The following MAP3K7 variants were observed in gnomAD, a reference collection of about 807,000 sequenced individuals.
MAP3K7 encodes mitogen-activated protein kinase kinase kinase 7, also known as TGF-beta activated kinase 1.
Under a neutral mutation model 84.8 loss-of-function variants are expected in MAP3K7, and 21 were observed. That is an observed-to-expected ratio of 0.25 (90% CI 0.18 to 0.36). The LOEUF is 0.36. MAP3K7 is among the 10% of genes least tolerant of loss of function. The pLI is 1.00. For synonymous variants in MAP3K7, 241 were observed against 247.7 expected (o/e 0.97, Z 0.25); for missense variants, 503 against 747.7 (o/e 0.67, Z 3.82).
At chr6:90,567,846 A>G (rs910415283) in intron 3 of MAP3K7, among the ~76,000 whole-genome samples, 1 of 152,258 alleles carries the variant, frequency 6.6e-6, no homozygotes, top group Non-Finnish European at 1.5e-5. Context: ...GGATTAAGAA[A>G]TTGTGGCACA....
rs77009159 is a variant in MAP3K7, at chr6:90,542,570, T to G, written c.1291+1982A>C. On this transcript the variant is annotated intron_variant, in intron 12 of 16. Transcript: ENST00000369329. ...AAGAAATTACTCTAGCTTCTCTGAC[T>G]TAAACAAAAGAACAAAAAATGGATG... is the stretch of plus-strand genomic sequence containing the variant. 2.1e-4 allele frequency: 176 copies of G among 835,752 alleles called. No homozygotes were observed. The East Asian group carries it at 0.015, about 69-fold the overall frequency. 51.8% of individuals were successfully genotyped at this position (835,752 alleles called of 1,614,324 possible). A position where few individuals can be genotyped will look rare whatever the true frequency, so the allele number is the denominator to read the frequency against.
chr6:90,571,145 A>G (rs900832316), intron 2 of MAP3K7, among the ~76,000 whole-genome samples: 6 of 152,162 alleles, frequency 3.9e-5, no homozygotes, highest in African/African-American at 1.4e-4. Flanking sequence ...AAATAATGTG[A>G]TCCAAAATAC....
At chr6:90,529,935 T>C (rs534574714) in intron 13 of MAP3K7, among the ~76,000 whole-genome samples, 2 of 152,326 alleles carry the variant, frequency 1.3e-5, no homozygotes, top group Admixed American at 6.5e-5. Context: ...AGATACAAGA[T>C]TGGTGCTTAA....
Position 90,523,800 on chromosome 6 carries a change from C to T in MAP3K7, c.1357-17G>A. On this transcript the variant is annotated splice_polypyrimidine_tract_variant and intron_variant, in intron 13 of 16. Transcript: ENST00000369329. ...ACTGCTCACCTACAGGAAGAAGTCACAGGAGAAACAAAATGTGATTTTTTG... is the reference window on the plus strand; with the variant it reads ...ACTGCTCACCTACAGGAAGAAGTCATAGGAGAAACAAAATGTGATTTTTTG... The T allele has an allele frequency of 7.3e-7, 1 of 1,367,284 alleles. No homozygotes were observed. The highest frequency in any genetic ancestry group is 1.0e-6 in the Non-Finnish European group (1 of 956,942). The allele number at this position is 1,367,284 out of a possible 1,614,324, so 84.7% of individuals were successfully genotyped here. A position where few individuals can be genotyped will look rare whatever the true frequency, so the allele number is the denominator to read the frequency against.
At chr6:90,553,152 C>T (rs369635234) in intron 7 of MAP3K7, among the ~76,000 whole-genome samples, 73 of 151,952 alleles carry the variant, frequency 4.8e-4, no homozygotes, top group African/African-American at 1.5e-3. Context: ...TTCCATGATC[C>T]AGCCTGATGC....
intron 13 of MAP3K7, among the ~76,000 whole-genome samples, chr6:90,527,154 CA>C: frequency 6.6e-6 from 1 of 152,272 alleles, no homozygotes; most frequent in South Asian, 2.1e-4. Context: ...GATTAAAGGA[CA>C]AAACCTCAAC....
At chr6:90,547,459 A>G in intron 10 of MAP3K7, 72 bp from the exon 11 acceptor site, 3 of 1,523,648 alleles carry the variant, frequency 2.0e-6, no homozygotes, top group Middle Eastern at 1.8e-4. Flanking sequence ...ACCTAAAAGG[A>G]GGAAGATGGC....
At chr6:90,583,789 A>G (rs745906367) in intron 1 of MAP3K7, among the ~76,000 whole-genome samples, 1 of 152,188 alleles carries the variant, frequency 6.6e-6, no homozygotes, top group Non-Finnish European at 1.5e-5. Context: ...ACCCTGTGTA[A>G]CACTTCTTGC....
At position 90,542,471 on chromosome 6, in the gene MAP3K7, A is replaced by T. The variant is rs185309851; in HGVS notation, c.1291+2081T>A. 257 of 985,208 alleles carry T rather than the reference A, an allele frequency of 2.6e-4. No homozygotes were observed. In the African/African-American group the frequency reaches 4.2e-3, roughly 16 times the overall value. The allele number at this position is 985,208 out of a possible 1,614,324, so 61.0% of individuals were successfully genotyped here. A position where few individuals can be genotyped will look rare whatever the true frequency, so the allele number is the denominator to read the frequency against. On this transcript the variant is annotated intron_variant, in intron 12 of 16. Coordinates refer to ENST00000369329, the MANE Select transcript of MAP3K7 (RefSeq NM_145331.3). ...AGAATTAAGGTTACCTGATTCCATAAAGGCCCAATGTCATAAAAGAGGATC... is the reference window on the plus strand; with the variant it reads ...AGAATTAAGGTTACCTGATTCCATATAGGCCCAATGTCATAAAAGAGGATC...
Position 90,536,411 on chromosome 6 carries a change from G to T in MAP3K7, c.1292-10C>A, listed in dbSNP as rs1554182636. 1.9e-6 allele frequency: 3 copies of T among 1,605,538 alleles called. No individual in the cohort carries two copies. The highest frequency in any genetic ancestry group is 1.3e-5 in the African/African-American group (1 of 74,244). ...CTTGGCTGTCCGTTGCCTTTAAAAA[G>T]AAGAAAAAAAGTAAAATACTAAAAT... On this transcript the variant is annotated splice_polypyrimidine_tract_variant and intron_variant, in intron 12 of 16. Coordinates refer to ENST00000369329, the MANE Select transcript of MAP3K7 (RefSeq NM_145331.3).
intron 13 of MAP3K7, among the ~76,000 whole-genome samples, chr6:90,524,802 G>A (rs1311181535): frequency 6.6e-6 from 1 of 152,002 alleles, no homozygotes; most frequent in Non-Finnish European, 1.5e-5. Flanking sequence ...AAACAAGATG[G>A]CACTAAAATT....
chr6:90,567,537 T>C (rs892744387), intron 3 of MAP3K7, among the ~76,000 whole-genome samples: 1 of 152,180 alleles, frequency 6.6e-6, no homozygotes, highest in Non-Finnish European at 1.5e-5. Context: ...CCAGTTAGAA[T>C]GGTGACCATT....
At chr6:90,550,037 G>A (rs1327964525) in intron 9 of MAP3K7, among the ~76,000 whole-genome samples, 1 of 152,026 alleles carries the variant, frequency 6.6e-6, no homozygotes, top group East Asian at 1.9e-4. Flanking sequence ...TCACATTTCG[G>A]AAAACTAAGG....
intron 6 of MAP3K7, 34 bp downstream of exon 6, chr6:90,556,466 G>A (rs759210827): frequency 1.3e-4 from 201 of 1,600,578 alleles, no homozygotes; most frequent in Middle Eastern, 1.7e-4. Flanking sequence ...GAGTGAGGGA[G>A]ATTATCAAAC....
intron 1 of MAP3K7, among the ~76,000 whole-genome samples, chr6:90,582,357 T>G (rs985341015): frequency 1.3e-5 from 2 of 152,236 alleles, no homozygotes; most frequent in Non-Finnish European, 2.9e-5. Flanking sequence ...TTTCATGTAC[T>G]CATTGAACAA....
chr6:90,549,739 C>G (rs576112329), intron 9 of MAP3K7, among the ~76,000 whole-genome samples: 30 of 152,184 alleles, frequency 2.0e-4, no homozygotes, highest in Non-Finnish European at 3.7e-4. Context: ...TTCAGAGCAA[C>G]TCAAAATATT....
chr6:90,586,995 A>G lies in MAP3K7; in HGVS notation c.-112T>C. 3.9e-6 allele frequency: 5 copies of G among 1,273,804 alleles called. No homozygotes were observed. Among genetic ancestry groups the G allele is most frequent in the Non-Finnish European group, 5.1e-6 (5 of 977,038 alleles). The allele number at this position is 1,273,804 out of a possible 1,614,324, so 78.9% of individuals were successfully genotyped here. On this transcript the variant is annotated 5_prime_UTR_variant, in exon 1 of 17. Transcript: ENST00000369329. ...CCTCAGCCTGGAGCCGCGCAGTCCT[A>G]CTACCCGGCGATCCGTGGCGGGGGT...
intron 12 of MAP3K7, 79 bp downstream of exon 12, chr6:90,544,473 G>A (rs1775940944): frequency 1.6e-6 from 2 of 1,265,664 alleles, no homozygotes; most frequent in Non-Finnish European, 1.2e-6. Flanking sequence ...AAAAATTGGA[G>A]CAAGAAGCAT....
At position 90,537,808 on chromosome 6, in the gene MAP3K7, A is replaced by C. The variant is rs115205145; in HGVS notation, c.1292-1407T>G. Among the ~76,000 whole-genome samples, 669 of 152,116 alleles carry C rather than the reference A, an allele frequency of 4.4e-3. 7 individuals carry two copies. Among genetic ancestry groups the C allele is most frequent in the African/African-American group, 0.016 (647 of 41,538 alleles). ...AGGATCCCCACAACCGTGACTAATAAGCAATTTTAGGCACATTTCATTCAA... is the reference window on the plus strand; with the variant it reads ...AGGATCCCCACAACCGTGACTAATACGCAATTTTAGGCACATTTCATTCAA... On this transcript the variant is annotated intron_variant, in intron 12 of 16. Coordinates refer to ENST00000369329, the MANE Select transcript of MAP3K7 (RefSeq NM_145331.3).
Sources: gnomAD v4.1 joint callset for allele counts (sites outside exome capture counted in the v4.1 genomes callset) on GRCh38, gnomAD v4.1.1 for gene constraint, MANE v1.5 for transcripts, NCBI Gene and HGNC (gene_info 2026-07-23, HGNC 2026-07-21) for gene names.